Variants in ZNF280D observed in about 807,000 individuals in gnomAD.
ZNF280D encodes the protein suppressor of hairy wing homolog 4.
ZNF280D carries 39 observed loss-of-function variants against 94.7 expected under a neutral mutation model. That is an observed-to-expected ratio of 0.41 (90% CI 0.32 to 0.54). The LOEUF is 0.54. Ranked by LOEUF, ZNF280D falls within the 20% of genes least tolerant of loss-of-function variation. The probability of loss-of-function intolerance (pLI) is 0.22; values close to 1 mark genes in which losing one functional copy is unlikely to be tolerated. For missense variants in ZNF280D, 1,090 were observed against 1,149.3 expected, an observed-to-expected ratio of 0.95 and a Z score of 0.75; for synonymous variants, 398 against 377.6, an observed-to-expected ratio of 1.05 and a Z score of -0.63.
At chr15:56,709,234 T>C (rs1286681754) in intron 1 of ZNF280D, among the ~76,000 whole-genome samples, 7 of 152,214 alleles carry the variant, frequency 4.6e-5, no homozygotes, top group African/African-American at 1.2e-4. Context: ...AAGACATTTA[T>C]GCAGCCAACA....
intron 10 of ZNF280D, among the ~76,000 whole-genome samples, chr15:56,680,819 A>T (rs1596476401): frequency 6.6e-6 from 1 of 152,176 alleles, no homozygotes; most frequent in Non-Finnish European, 1.5e-5. Context: ...CTTAAAGGAA[A>T]GGCCAAAAAA....
chr15:56,730,638 C>T (rs2058837208), intron 1 of ZNF280D: 1 of 152,222 alleles, frequency 6.6e-6, no homozygotes, highest in African/African-American at 2.4e-5. Context: ...TCAAAGAAGG[C>T]AAAGCTTTCT....
At chr15:56,638,549 T>C (rs1388487170) in intron 20 of ZNF280D, among the ~76,000 whole-genome samples, 6 of 152,152 alleles carry the variant, frequency 3.9e-5, no homozygotes, top group East Asian at 1.9e-4. Flanking sequence ...TCACAACAGA[T>C]TGGATTCAGA....
chr15:56,701,386 C>T (rs1408892307), intron 4 of ZNF280D, 148 bp from the exon 5 acceptor site: 4 of 553,786 alleles, frequency 7.2e-6, no homozygotes, highest in African/African-American at 1.9e-5. Context: ...TCATTTTAAA[C>T]ACATACATCT....
intron 1 of ZNF280D, among the ~76,000 whole-genome samples, chr15:56,709,662 T>C (rs1310197164): frequency 6.6e-6 from 1 of 152,148 alleles, no homozygotes; most frequent in East Asian, 1.9e-4. Context: ...ATATACACCA[T>C]GGAATACTAT....
At chr15:56,678,545 C>T (rs2055399784) in intron 11 of ZNF280D, 119 bp downstream of exon 11, 4 of 918,500 alleles carry the variant, frequency 4.4e-6, no homozygotes, top group Admixed American at 3.4e-5. Context: ...TCAATTTTGC[C>T]CTCAAATTCC....
At chr15:56,658,636 T>C (rs2053707471) in intron 16 of ZNF280D, 150 bp from the exon 17 acceptor site, 1 of 565,302 alleles carries the variant, frequency 1.8e-6, no homozygotes, top group Non-Finnish European at 3.0e-6. Flanking sequence ...TCCATTTAAT[T>C]CAATATTTTA....
chr15:56,704,419 T>C lies in ZNF280D; in HGVS notation c.29-152A>G, dbSNP rs185663999. 6.8e-6 allele frequency: 5 copies of C among 731,200 alleles called. No individual in the cohort carries two copies. The Admixed American group carries it at 9.4e-5, about 14-fold the overall frequency. 45.3% of individuals were successfully genotyped at this position (731,200 alleles called of 1,614,324 possible). ...TGTAGTCAGTATGTGGTAACAACAG[T>C]GAGAAATACAGAGCTTACTATCTAA... On this transcript the variant is annotated intron_variant, in intron 3 of 21. Coordinates refer to ENST00000267807, the MANE Select transcript of ZNF280D (RefSeq NM_017661.4).
intron 4 of ZNF280D, among the ~76,000 whole-genome samples, chr15:56,702,704 C>T (rs1258645632): frequency 6.6e-6 from 1 of 152,022 alleles, no homozygotes; most frequent in Non-Finnish European, 1.5e-5. Flanking sequence ...TTTTATAATC[C>T]AAGTGGCACT....
chr15:56,711,659 G>A (rs538115622), intron 1 of ZNF280D, among the ~76,000 whole-genome samples: 1 of 152,102 alleles, frequency 6.6e-6, no homozygotes, highest in East Asian at 1.9e-4. Context: ...GCAAGACTCA[G>A]TCTCAAAAAA....
chr15:56,647,307 G>A (rs1457454070), intron 19 of ZNF280D, among the ~76,000 whole-genome samples: 1 of 152,180 alleles, frequency 6.6e-6, no homozygotes, highest in Non-Finnish European at 1.5e-5. Flanking sequence ...AAAGGTAAAT[G>A]TGGAGAACAA....
intron 11 of ZNF280D, among the ~76,000 whole-genome samples, chr15:56,678,236 G>A (rs562891662): frequency 6.6e-6 from 1 of 152,126 alleles, no homozygotes; most frequent in African/African-American, 2.4e-5. Context: ...TCAAACTCCT[G>A]GCCTCAAGTG....
chr15:56,654,628 T>C, intron 17 of ZNF280D, 125 bp from the exon 18 acceptor site: 1 of 828,744 alleles, frequency 1.2e-6, no homozygotes, highest in African/African-American at 1.7e-5. Context: ...ATTTTTGTTA[T>C]ATAAATTTGA....
At chr15:56,687,692 C>CA (rs1305886033) in intron 9 of ZNF280D, among the ~76,000 whole-genome samples, 1 of 151,872 alleles carries the variant, frequency 6.6e-6, no homozygotes, top group Non-Finnish European at 1.5e-5. Context: ...ATGCAAAACA[C>CA]AAAAAACATC....
At chr15:56,663,383 T>A (rs1198592685) in intron 16 of ZNF280D, among the ~76,000 whole-genome samples, 1 of 151,440 alleles carries the variant, frequency 6.6e-6, no homozygotes, top group East Asian at 1.9e-4. Flanking sequence ...GGGGCAGGTA[T>A]GAGACCAAAG....
In ZNF280D at chr15:56,676,705, C is replaced by G. The variant is rs138888326; in HGVS notation, c.1375G>C (p.Ala459Pro). The change falls in exon 13 of 22, where the codon GCA becomes CCA. Residue 459 changes from alanine (A) to proline (P), a missense_variant. Physicochemically the swap from Ala to Pro is conservative, Grantham distance 27. Transcript: ENST00000267807. ...CPFCLKVIKI[A>P]TPYMHHYMKH... ...ATATAATGATGCATATATGGTGTTG[C>G]AATTTTAATAACTTTGAGGCAAAAC... 3.7e-6 allele frequency: 6 copies of G among 1,612,244 alleles called. No homozygotes were observed. The highest frequency in any genetic ancestry group is 5.1e-6 in the Non-Finnish European group (6 of 1,179,074).
intron 19 of ZNF280D, among the ~76,000 whole-genome samples, chr15:56,650,165 C>T (rs970640358): frequency 2.0e-5 from 3 of 152,012 alleles, no homozygotes; most frequent in African/African-American, 7.2e-5. Flanking sequence ...GTTTCCAACA[C>T]CTGACACAGA....
chr15:56,707,005 A>G, intron 3 of ZNF280D, 77 bp downstream of exon 3: 2 of 1,432,560 alleles, frequency 1.4e-6, no homozygotes, highest in Non-Finnish European at 2.0e-6. Context: ...AATGTCTCCC[A>G]ACTTTCATCC....
intron 1 of ZNF280D, among the ~76,000 whole-genome samples, chr15:56,709,560 G>A (rs4774890): frequency 0.18 from 26,639 of 152,068 alleles, 2,512 homozygotes; most frequent in Admixed American, 0.22. Flanking sequence ...ACATGCACAC[G>A]TATGTTTATT....
Sources: gnomAD v4.1 joint callset for allele counts (sites outside exome capture counted in the v4.1 genomes callset) on GRCh38, gnomAD v4.1.1 for gene constraint, MANE v1.5 for transcripts, NCBI Gene and HGNC (gene_info 2026-07-23, HGNC 2026-07-21) for gene names.